ABTB2: variants seen among roughly 807,000 people sequenced by gnomAD.
The protein encoded by ABTB2 is ankyrin repeat and BTB/POZ domain-containing protein 2.
A neutral mutation model predicts 104.1 loss-of-function variants in ABTB2; 56 were observed. The observed-to-expected ratio is 0.54, with a 90% confidence interval of 0.43 to 0.67. The LOEUF is 0.67. Ranked by LOEUF, ABTB2 falls within the 30% of genes least tolerant of loss-of-function variation. The pLI, the probability that ABTB2 is intolerant of heterozygous loss-of-function variation, is 0.00. For synonymous variants in ABTB2, 606 were observed against 608.2 expected (o/e 1.00, Z 0.05); for missense variants, 1,279 against 1,407.7 (o/e 0.91, Z 1.46).
At chr11:34,208,734 G>A (rs1011169501) in intron 1 of ABTB2, among the ~76,000 whole-genome samples, 6 of 151,858 alleles carry the variant, frequency 4.0e-5, no homozygotes, top group African/African-American at 1.5e-4. Flanking sequence ...GTGGCCACCC[G>A]GTTGCCCAAG....
intron 1 of ABTB2, among the ~76,000 whole-genome samples, chr11:34,336,753 T>C (rs7944461): frequency 6.6e-6 from 1 of 152,000 alleles, no homozygotes; most frequent in African/African-American, 2.4e-5. Context: ...GGGTTAATGC[T>C]TGCATATGGG....
intron 1 of ABTB2, among the ~76,000 whole-genome samples, chr11:34,283,575 T>C (rs59534867): frequency 0.085 from 12,931 of 152,216 alleles, 604 homozygotes; most frequent in Non-Finnish European, 0.11. Flanking sequence ...TCAAAGTATA[T>C]ATTGAGAAAA....
At chr11:34,199,398 G>C (rs1288396530) in intron 2 of ABTB2, among the ~76,000 whole-genome samples, 1 of 152,170 alleles carries the variant, frequency 6.6e-6, no homozygotes, top group Non-Finnish European at 1.5e-5. Context: ...CTAGGGCCAA[G>C]AGGGCTGAGG....
chr11:34,194,776 G>GTT (rs11303390), intron 3 of ABTB2, among the ~76,000 whole-genome samples: 4 of 145,998 alleles, frequency 2.7e-5, no homozygotes, highest in South Asian at 4.3e-4. Context: ...TAAAAATTTG[G>GTT]TTTTTTTTTT....
chr11:34,166,844 C>T (rs570866389), intron 7 of ABTB2, among the ~76,000 whole-genome samples: 9 of 152,274 alleles, frequency 5.9e-5, no homozygotes, highest in African/African-American at 2.2e-4. Flanking sequence ...AAGGAGGGGA[C>T]AGAATTGCAC....
At chr11:34,248,698 G>T (rs549059945) in intron 1 of ABTB2, among the ~76,000 whole-genome samples, 1 of 152,344 alleles carries the variant, frequency 6.6e-6, no homozygotes, top group African/African-American at 2.4e-5. Flanking sequence ...TCACAAGTGT[G>T]GTTTTCATAA....
intron 1 of ABTB2, among the ~76,000 whole-genome samples, chr11:34,215,512 A>G (rs772034940): frequency 1.3e-5 from 2 of 152,214 alleles, no homozygotes; most frequent in Non-Finnish European, 2.9e-5. Context: ...ACCTGCTTCA[A>G]TCAGCTTCGG....
intron 3 of ABTB2, among the ~76,000 whole-genome samples, chr11:34,194,465 G>C (rs2473903): frequency 0.58 from 88,871 of 152,152 alleles, 27,440 homozygotes; most frequent in Non-Finnish European, 0.67. Flanking sequence ...GCAAAGCTCT[G>C]CCACTCTGGA....
intron 1 of ABTB2, among the ~76,000 whole-genome samples, chr11:34,273,615 A>G (rs115709640): frequency 1.6e-3 from 244 of 152,128 alleles, no homozygotes; most frequent in African/African-American, 5.3e-3. Flanking sequence ...ACCTCCGAGG[A>G]GAGGGATGGA....
intron 1 of ABTB2, among the ~76,000 whole-genome samples, chr11:34,243,145 G>A (rs1297331026): frequency 1.3e-5 from 2 of 152,204 alleles, no homozygotes; most frequent in Non-Finnish European, 2.9e-5. Context: ...GGCTTCTTAA[G>A]AACACTGTAG....
intron 4 of ABTB2, among the ~76,000 whole-genome samples, chr11:34,171,439 G>A (rs1478668423): frequency 1.3e-5 from 2 of 152,084 alleles, no homozygotes; most frequent in African/African-American, 4.8e-5. Flanking sequence ...GCCAGGCGTG[G>A]TAGCATGTGC....
At chr11:34,264,679 A>G (rs1393739015) in intron 1 of ABTB2, among the ~76,000 whole-genome samples, 3 of 152,214 alleles carry the variant, frequency 2.0e-5, no homozygotes, top group African/African-American at 7.2e-5. Context: ...CTGTTCTGGG[A>G]CCAGTGGTGG....
intron 2 of ABTB2, among the ~76,000 whole-genome samples, chr11:34,204,004 T>C (rs2957503): frequency 0.97 from 147,205 of 152,294 alleles, 71,344 homozygotes; most frequent in East Asian, 1. Context: ...CAGCTGTCAA[T>C]GGTAAAGAGC....
chr11:34,160,131 C>T, intron 12 of ABTB2, 117 bp downstream of exon 12: 1 of 1,267,312 alleles, frequency 7.9e-7, no homozygotes, highest in Non-Finnish European at 1.1e-6. Flanking sequence ...AACAGAGAAA[C>T]TGAGGCTGGG....
intron 1 of ABTB2, among the ~76,000 whole-genome samples, chr11:34,307,460 G>C (rs560218074): frequency 6.6e-6 from 1 of 152,308 alleles, no homozygotes; most frequent in East Asian, 1.9e-4. Context: ...CCAGCACTGA[G>C]CTCTTCAGCA....
At position 34,355,265 on chromosome 11, in the gene ABTB2, A is replaced by AGAAC. The variant is rs10651228; in HGVS notation, c.883+1435_883+1436insGTTC. 4.1e-3 allele frequency among the ~76,000 whole-genome samples: 631 copies of AGAAC among 152,086 alleles called. 5 individuals are homozygous for AGAAC. Among genetic ancestry groups the AGAAC allele is most frequent in the Middle Eastern group, 0.017 (5 of 294 alleles). On this transcript the variant is annotated intron_variant, in intron 1 of 16. Coordinates refer to ENST00000435224, the MANE Select transcript of ABTB2 (RefSeq NM_145804.3). ...ATCTGAGAGCTATAGTCCAGTAAGAAAAACAAACAAACAAACAACAACAAC... is the reference window on the plus strand; with the variant it reads ...ATCTGAGAGCTATAGTCCAGTAAGAAGAACAAACAAACAAACAAACAACAACAAC...
chr11:34,164,815 T>C lies in ABTB2; in HGVS notation c.1859A>G (p.Tyr620Cys), dbSNP rs745570133. The C allele has an allele frequency of 3.2e-5, 50 of 1,586,818 alleles. No homozygotes were observed. The highest frequency in any genetic ancestry group is 1.9e-5 in the Non-Finnish European group (22 of 1,171,578). ...GCTCAGCAACAAACTGACCAGCTCA[T>C]AGTTCCCTGAAAGAGAAGGTGGGCA... ...PLQLASAAGN[Y>C]ELVSLLLSRG... is the part of the protein sequence containing the mutation. The change falls in exon 9 of 17, where the codon TAT (tyrosine) becomes TGT (cysteine). Residue 620 changes from tyrosine to cysteine, a missense_variant. Tyr to Cys is a radical substitution (Grantham distance 194). Coordinates refer to ENST00000435224, the MANE Select transcript of ABTB2 (RefSeq NM_145804.3).
At chr11:34,174,324 CAAAAAAAAAAAAAAA>C (rs545699866) in intron 3 of ABTB2, among the ~76,000 whole-genome samples, 2 of 114,918 alleles carry the variant, frequency 1.7e-5, no homozygotes, top group Non-Finnish European at 3.6e-5. Flanking sequence ...GACTCCGTCT[CAAAAAAAAAAAAAAA>C]AAAAAAAAAA....
intron 1 of ABTB2, among the ~76,000 whole-genome samples, chr11:34,305,064 T>A (rs960358178): frequency 1.3e-5 from 2 of 152,204 alleles, no homozygotes; most frequent in African/African-American, 4.8e-5. Context: ...AGTGTCTGCT[T>A]CTATGTGGAC....
Sources: allele counts gnomAD v4.1 joint callset (sites outside exome capture counted in the v4.1 genomes callset), GRCh38; gene constraint gnomAD v4.1.1; transcripts MANE v1.5; gene names NCBI Gene and HGNC (gene_info 2026-07-23, HGNC 2026-07-21).